The following CAMTA1 variants were observed in gnomAD, a reference collection of about 807,000 sequenced individuals.
CAMTA1 encodes calmodulin-binding transcription activator 1.
CAMTA1 carries 27 observed loss-of-function variants against 170.9 expected under a neutral mutation model. The ratio of observed to expected loss-of-function variants is 0.16; its 90% confidence interval spans 0.12 to 0.22. The LOEUF is 0.22. Ranked by LOEUF, CAMTA1 falls within the 10% of genes least tolerant of loss-of-function variation. The pLI, the probability that CAMTA1 is intolerant of heterozygous loss-of-function variation, is 1.00. For missense variants in CAMTA1, 1,619 were observed against 2,217.2 expected (o/e 0.73, Z 5.42); for synonymous variants, 833 against 891.5 (o/e 0.93, Z 1.17).
At chr1:7,731,770 G>C (rs116350051) in intron 11 of CAMTA1, among the ~76,000 whole-genome samples, 3 of 151,914 alleles carry the variant, frequency 2.0e-5, no homozygotes, top group Admixed American at 2.0e-4. Flanking sequence ...CCATCTGCTC[G>C]GGAGGCTGAG....
chr1:6,892,280 A>C (rs1202267572), intron 3 of CAMTA1, among the ~76,000 whole-genome samples: 2 of 152,190 alleles, frequency 1.3e-5, no homozygotes, highest in South Asian at 4.1e-4. Flanking sequence ...GCGGGTTGTG[A>C]GTTCATCTCA....
chr1:6,903,404 TA>T (rs1265893816), intron 3 of CAMTA1, among the ~76,000 whole-genome samples: 1 of 152,234 alleles, frequency 6.6e-6, no homozygotes, highest in Non-Finnish European at 1.5e-5. Context: ...ATACCTTAAT[TA>T]AAAATATATT....
rs1383671559 is a variant in CAMTA1, at chr1:7,456,658, G to A, written c.439-11172G>A. On this transcript the variant is annotated intron_variant, in intron 5 of 22. Transcript: ENST00000303635. This position sits in a 1 kb window ranked among gnomAD's most constrained non-coding sequence, Gnocchi z 4.9. ...TGTTCTTTGCTGGGGCCCGCAGGGA[G>A]CCAGGTATCAGGACAGATTTCTGAG... Among the ~76,000 whole-genome samples, 1 of 152,216 alleles carries A rather than the reference G, an allele frequency of 6.6e-6. No individual in the cohort carries two copies. The highest frequency in any genetic ancestry group is 2.4e-5 in the African/African-American group (1 of 41,470).
At position 7,664,913 on chromosome 1, in the gene CAMTA1, C is replaced by G; in HGVS notation, c.2366C>G (p.Thr789Ser). 6.2e-7 allele frequency: 1 copy of G among 1,613,184 alleles called. No individual in the cohort carries two copies. Among genetic ancestry groups the G allele is most frequent in the Non-Finnish European group, 8.5e-7 (1 of 1,180,000 alleles). ...ATCTCCGTGGAGGGGGGCAGCAGCACCATCTATGGGCACCAGCTGGTGTCG... is the reference window on the plus strand; with the variant it reads ...ATCTCCGTGGAGGGGGGCAGCAGCAGCATCTATGGGCACCAGCTGGTGTCG... Reference protein sequence around the residue: ...DFISVEGGSSTIYGHQLVSGD... With the variant: ...DFISVEGGSSSIYGHQLVSGD... Residue 789 changes from threonine (T) to serine (S), a missense_variant, in exon 9 of 23, where the codon ACC becomes AGC. Physicochemically the swap from Thr to Ser is moderately conservative, Grantham distance 58. This residue lies in a region of CAMTA1 where 731 missense variants were observed against 907.6 expected (regional missense o/e 0.81). Coordinates refer to ENST00000303635, the MANE Select transcript of CAMTA1 (RefSeq NM_015215.4).
chr1:7,182,680 T>G (rs1360126775), intron 4 of CAMTA1, among the ~76,000 whole-genome samples: 1 of 152,120 alleles, frequency 6.6e-6, no homozygotes, highest in East Asian at 1.9e-4. Flanking sequence ...GGAGAAGGTA[T>G]TTGCAGCATA....
chr1:7,153,430 A>T (rs1646690941), intron 4 of CAMTA1, among the ~76,000 whole-genome samples: 1 of 152,148 alleles, frequency 6.6e-6, no homozygotes, highest in East Asian at 1.9e-4. Flanking sequence ...TTGAGGGGGA[A>T]AAGGAGTGGT....
intron 5 of CAMTA1, among the ~76,000 whole-genome samples, chr1:7,377,444 T>G (rs2086925811): frequency 6.6e-6 from 1 of 152,198 alleles, no homozygotes; most frequent in Non-Finnish European, 1.5e-5. Flanking sequence ...GTAAAATGAC[T>G]GTAGTCATCT....
rs879594755 is a variant in CAMTA1, at chr1:7,504,924, TCACGGGCGGA to T, written c.510+37026_510+37035del. On this transcript the variant is annotated intron_variant, in intron 6 of 22. Coordinates refer to ENST00000303635, the MANE Select transcript of CAMTA1 (RefSeq NM_015215.4). ...AGTTCAGTGTAGCGCACAGCCTCCT[TCACGGGCGGA>T]CATGGCACAAGCACACAGATGCCTC... is the stretch of plus-strand genomic sequence containing the variant. Among the ~76,000 whole-genome samples the T allele has an allele frequency of 4.7e-3, 716 of 151,846 alleles. 6 individuals are homozygous for T. The highest frequency in any genetic ancestry group is 0.021 in the East Asian group (110 of 5,122).
chr1:7,582,431 C>G (rs1237160512), intron 6 of CAMTA1, among the ~76,000 whole-genome samples: 3 of 152,168 alleles, frequency 2.0e-5, no homozygotes, highest in Non-Finnish European at 4.4e-5. Flanking sequence ...TGCCTGGGCT[C>G]TGGATTCTCT....
intron 11 of CAMTA1, among the ~76,000 whole-genome samples, chr1:7,726,107 C>T (rs2096684161): frequency 6.6e-6 from 1 of 152,260 alleles, no homozygotes; most frequent in Non-Finnish European, 1.5e-5. Context: ...TTGCCTGAGT[C>T]TTTAGATCCA....
At chr1:7,631,422 A>G (rs1031670938) in intron 6 of CAMTA1, among the ~76,000 whole-genome samples, 15 of 152,210 alleles carry the variant, frequency 9.9e-5, no homozygotes, top group Admixed American at 9.2e-4. Context: ...TCAGCCCTCA[A>G]AGGCACTCTC....
At chr1:7,261,995 C>T (rs1341665403) in intron 5 of CAMTA1, among the ~76,000 whole-genome samples, 1 of 152,214 alleles carries the variant, frequency 6.6e-6, no homozygotes, top group Non-Finnish European at 1.5e-5. Context: ...GCAGCAGAAG[C>T]AACGCTTAAT....
intron 4 of CAMTA1, among the ~76,000 whole-genome samples, chr1:7,210,188 G>C (rs1304710): frequency 0.64 from 97,452 of 152,114 alleles, 32,025 homozygotes; most frequent in African/African-American, 0.79. Flanking sequence ...ATAGTCTGTT[G>C]TAGGATCCAA....
intron 5 of CAMTA1, among the ~76,000 whole-genome samples, chr1:7,442,373 G>A (rs1351912605): frequency 1.3e-5 from 2 of 152,128 alleles, no homozygotes; most frequent in African/African-American, 4.8e-5. Flanking sequence ...AGCTGGGGAC[G>A]GAGCTTCCCT....
intron 5 of CAMTA1, among the ~76,000 whole-genome samples, chr1:7,394,876 T>TC (rs1473151969): frequency 1.2e-5 from 1 of 83,434 alleles, no homozygotes. Flanking sequence ...GTGTTTCTTT[T>TC]TTTTTCTTTT....
intron 3 of CAMTA1, among the ~76,000 whole-genome samples, chr1:6,907,858 C>T (rs537772234): frequency 7.9e-5 from 12 of 152,272 alleles, no homozygotes; most frequent in Admixed American, 4.6e-4. Context: ...TCAGACCTGG[C>T]GCAGTTCCAG....
intron 11 of CAMTA1, among the ~76,000 whole-genome samples, chr1:7,717,223 A>G (rs1055506547): frequency 1.3e-5 from 2 of 152,152 alleles, no homozygotes; most frequent in Non-Finnish European, 1.5e-5. Context: ...CGAGTTCATC[A>G]TGATATATTC....
intron 11 of CAMTA1, among the ~76,000 whole-genome samples, chr1:7,690,616 CAG>C (rs1226333056): frequency 5.9e-5 from 9 of 152,248 alleles, no homozygotes; most frequent in Admixed American, 3.9e-4. Context: ...CCTTCTGGCA[CAG>C]AGTTGCCACC....
chr1:7,407,866 G>A (rs1180912150), intron 5 of CAMTA1, among the ~76,000 whole-genome samples: 1 of 152,092 alleles, frequency 6.6e-6, no homozygotes, highest in Non-Finnish European at 1.5e-5. Context: ...GGGAGCCAGG[G>A]CCATCTTGCA....
Sources: gnomAD v4.1 joint callset for allele counts (sites outside exome capture counted in the v4.1 genomes callset) on GRCh38, gnomAD v4.1.1 for gene constraint, gnomAD v4.1.1 regional missense constraint, Gnocchi (gnomAD v3.1) non-coding constraint, MANE v1.5 for transcripts, NCBI Gene and HGNC (gene_info 2026-07-23, HGNC 2026-07-21) for gene names.